OLFML2B: variants seen among roughly 807,000 people sequenced by gnomAD.
OLFML2B encodes olfactomedin-like protein 2B.
A neutral mutation model predicts 74.9 loss-of-function variants in OLFML2B; 57 were observed. That is an observed-to-expected ratio of 0.76 (90% CI 0.61 to 0.95). The LOEUF (loss-of-function observed/expected upper bound fraction) is 0.95, where lower values mean the gene tolerates loss of function less well. Ranked by LOEUF, OLFML2B falls within the 40% of genes least tolerant of loss-of-function variation. The pLI, the probability that OLFML2B is intolerant of heterozygous loss-of-function variation, is 0.00. For missense variants in OLFML2B, 986 were observed against 970.6 expected, an observed-to-expected ratio of 1.02 and a Z score of -0.21; for synonymous variants, 388 against 405.8, an observed-to-expected ratio of 0.96 and a Z score of 0.53.
At chr1:162,015,243 T>C (rs1690498862) in intron 3 of OLFML2B, among the ~76,000 whole-genome samples, 1 of 152,238 alleles carries the variant, frequency 6.6e-6, no homozygotes, top group African/African-American at 2.4e-5. Context: ...GGTTACTGTG[T>C]GACTGTATAG....
At chr1:162,012,659 A>G (rs1690425547) in intron 3 of OLFML2B, among the ~76,000 whole-genome samples, 1 of 152,256 alleles carries the variant, frequency 6.6e-6, no homozygotes, top group South Asian at 2.1e-4. Flanking sequence ...CAGAAGGGAC[A>G]AAGCAGAAAC....
chr1:161,996,701 C>T (rs1210941181), intron 6 of OLFML2B, among the ~76,000 whole-genome samples: 1 of 152,104 alleles, frequency 6.6e-6, no homozygotes, highest in Admixed American at 6.5e-5. Flanking sequence ...CCCATTTTTC[C>T]TTTTATAGTT....
chr1:162,003,903 T>C (rs1690148931), intron 4 of OLFML2B, among the ~76,000 whole-genome samples: 1 of 152,148 alleles, frequency 6.6e-6, no homozygotes, highest in Admixed American at 6.5e-5. Flanking sequence ...CCACTTCCCC[T>C]TTCTGCCCCA....
At chr1:162,011,668 C>G (rs1162789397) in intron 3 of OLFML2B, among the ~76,000 whole-genome samples, 1 of 152,244 alleles carries the variant, frequency 6.6e-6, no homozygotes, top group Non-Finnish European at 1.5e-5. Context: ...TGTCCCACAT[C>G]AGGTGCTGGA....
At chr1:161,985,783 G>C (rs192381510) in intron 6 of OLFML2B, among the ~76,000 whole-genome samples, 1 of 152,210 alleles carries the variant, frequency 6.6e-6, no homozygotes, top group Non-Finnish European at 1.5e-5. Flanking sequence ...AAGATACCAA[G>C]TTCTTGAATA....
At chr1:162,010,513 C>T (rs16838508) in intron 3 of OLFML2B, among the ~76,000 whole-genome samples, 2,891 of 152,194 alleles carry the variant, frequency 0.019, 86 homozygotes, top group African/African-American at 0.066. Context: ...GGTGTTTTGA[C>T]AAGCCATGTA....
chr1:162,023,382 GA>G lies in OLFML2B; in HGVS notation c.48del (p.Pro17ArgfsTer65), dbSNP rs753818854. On this transcript the variant is annotated frameshift_variant, in exon 1 of 8. Transcript: ENST00000294794. LOFTEE classifies it high-confidence loss of function. ...LLVLYFALIVVPAWVSSIVLT... is the reference protein window; with the variant it reads ...LLVLYFALIVXPAWVSSIVLT... ...AGGACAATGCTGGACACCCAGGCCG[GA>G]ACCACAATCAGAGCGAAGTAGAGAA... 1.9e-6 allele frequency: 3 copies of G among 1,602,790 alleles called. 1 individual carries two copies. The South Asian group carries it at 3.3e-5, about 18-fold the overall frequency.
intron 3 of OLFML2B, 147 bp from the exon 4 acceptor site, chr1:162,006,620 C>T (rs1190305189): frequency 3.3e-6 from 2 of 597,180 alleles, no homozygotes; most frequent in Admixed American, 3.7e-5. Flanking sequence ...AGAGTGTGCC[C>T]AGCCCTGGGC....
Position 161,984,286 on chromosome 1 carries a change from G to A in OLFML2B, c.1652-10C>T. 6.6e-7 allele frequency: 1 copy of A among 1,517,488 alleles called. No individual in the cohort carries two copies. Among genetic ancestry groups the A allele is most frequent in the Non-Finnish European group, 8.8e-7 (1 of 1,133,760 alleles). The allele number at this position is 1,517,488 out of a possible 1,614,324, so 94.0% of individuals were successfully genotyped here. A position where few individuals can be genotyped will look rare whatever the true frequency, so the allele number is the denominator to read the frequency against. On this transcript the variant is annotated splice_polypyrimidine_tract_variant and intron_variant, in intron 7 of 7. Coordinates refer to ENST00000294794, the MANE Select transcript of OLFML2B (RefSeq NM_015441.3). ...GAATTGCTCCAGCGACCTGCAGGTG[G>A]GGAGAAAACAGGAGGCTTCAGAGTG...
rs575435818 is a variant in OLFML2B, at chr1:162,006,290, G to A, written c.723+7C>T. 7 of 1,569,382 alleles carry A rather than the reference G, an allele frequency of 4.5e-6. No homozygotes were observed. The South Asian group carries it at 4.8e-5, about 11-fold the overall frequency. ...TGATCAGAGGCCCTTGGAGGCTGGGGCTATACCTCTGGGTGGGCGTAGGCT... is the reference window on the plus strand; with the variant it reads ...TGATCAGAGGCCCTTGGAGGCTGGGACTATACCTCTGGGTGGGCGTAGGCT... On this transcript the variant is annotated splice_region_variant and intron_variant, in intron 4 of 7. Coordinates refer to ENST00000294794, the MANE Select transcript of OLFML2B (RefSeq NM_015441.3).
intron 4 of OLFML2B, among the ~76,000 whole-genome samples, chr1:162,004,909 C>G (rs894108815): frequency 6.6e-6 from 1 of 152,240 alleles, no homozygotes; most frequent in African/African-American, 2.4e-5. Context: ...ACAACTCTGC[C>G]ATCTACCATC....
intron 4 of OLFML2B, among the ~76,000 whole-genome samples, chr1:162,002,629 A>C (rs80314402): frequency 0.011 from 1,686 of 152,280 alleles, 36 homozygotes; most frequent in African/African-American, 0.038. Context: ...TTCTCATGAC[A>C]AGAGAGTTCT....
chr1:162,021,256 T>TAAACCCCAGGCC (rs1690696635), intron 1 of OLFML2B, among the ~76,000 whole-genome samples: 1 of 152,236 alleles, frequency 6.6e-6, no homozygotes, highest in East Asian at 1.9e-4. Context: ...CTTCTGAACC[T>TAAACCCCAGGCC]AAACCCCAGG....
Position 161,983,581 on chromosome 1 carries a change from A to G in OLFML2B, c.*94T>C, listed in dbSNP as rs1689486232. The G allele has an allele frequency of 7.4e-7, 1 of 1,344,946 alleles. No individual in the cohort carries two copies. The highest frequency in any genetic ancestry group is 1.0e-6 in the Non-Finnish European group (1 of 983,130). The allele number at this position is 1,344,946 out of a possible 1,614,324, so 83.3% of individuals were successfully genotyped here. A position where few individuals can be genotyped will look rare whatever the true frequency, so the allele number is the denominator to read the frequency against. ...TATACAAAATAATATATATTTTTAA[A>G]CAACACATACCCACCTACACACACG... On this transcript the variant is annotated 3_prime_UTR_variant, in exon 8 of 8. Coordinates refer to ENST00000294794, the MANE Select transcript of OLFML2B (RefSeq NM_015441.3).
At chr1:162,006,547 C>T (rs1198615902) in intron 3 of OLFML2B, 74 bp from the exon 4 acceptor site, 18 of 1,172,024 alleles carry the variant, frequency 1.5e-5, no homozygotes, top group Admixed American at 4.4e-5. Context: ...CAGCCATCTT[C>T]GCTCAGAGCA....
intron 3 of OLFML2B, among the ~76,000 whole-genome samples, chr1:162,013,829 C>A (rs1690458203): frequency 6.7e-6 from 1 of 149,398 alleles, no homozygotes; most frequent in Non-Finnish European, 1.5e-5. Flanking sequence ...AATGAATGAA[C>A]CACAAGACAC....
intron 6 of OLFML2B, among the ~76,000 whole-genome samples, chr1:161,995,779 G>C (rs1689879790): frequency 6.6e-6 from 1 of 152,214 alleles, no homozygotes. Context: ...TGTGGTAGGG[G>C]TGACAGGGGC....
chr1:162,017,583 TA>T, intron 2 of OLFML2B, 76 bp from the exon 3 acceptor site: 1 of 1,046,218 alleles, frequency 9.6e-7, no homozygotes, highest in Non-Finnish European at 1.4e-6. Context: ...CAGATCTGCA[TA>T]CTGGGGGCTC....
At chr1:162,015,686 A>G (rs1380890365) in intron 3 of OLFML2B, among the ~76,000 whole-genome samples, 1 of 152,220 alleles carries the variant, frequency 6.6e-6, no homozygotes, top group Non-Finnish European at 1.5e-5. Context: ...TTTAACTAGG[A>G]GGAAGAGTCC....
Sources: allele counts gnomAD v4.1 joint callset (sites outside exome capture counted in the v4.1 genomes callset), GRCh38; gene constraint gnomAD v4.1.1; transcripts MANE v1.5; gene names NCBI Gene and HGNC (gene_info 2026-07-23, HGNC 2026-07-21).